Variants in NUP98 observed in about 807,000 individuals in gnomAD.
NUP98 encodes the protein nuclear pore complex protein Nup98-Nup96.
Under a neutral mutation model 191.9 loss-of-function variants are expected in NUP98, and 26 were observed. The ratio of observed to expected loss-of-function variants is 0.14; its 90% CI spans 0.10 to 0.19. NUP98 has a LOEUF of 0.19. NUP98 is among the 10% of genes least tolerant of loss of function. The pLI is 1.00. For missense variants in NUP98, 1,941 were observed against 2,178.8 expected, an observed-to-expected ratio of 0.89 and a Z score of 2.17; for synonymous variants, 808 against 778.4, an observed-to-expected ratio of 1.04 and a Z score of -0.63.
intron 12 of NUP98, 83 bp downstream of exon 12, chr11:3,744,426 T>A: frequency 7.3e-7 from 1 of 1,373,618 alleles, no homozygotes; most frequent in Non-Finnish European, 9.9e-7. Context: ...TTGGTAGGAA[T>A]GGGACAGGTG....
At chr11:3,767,007 T>A (rs995741349) in intron 8 of NUP98, among the ~76,000 whole-genome samples, 3 of 152,120 alleles carry the variant, frequency 2.0e-5, no homozygotes, top group Non-Finnish European at 4.4e-5. Context: ...CTCTGTCACC[T>A]AGGCTGGAGT....
At chr11:3,765,014 T>A (rs919347784) in intron 8 of NUP98, among the ~76,000 whole-genome samples, 1 of 152,240 alleles carries the variant, frequency 6.6e-6, no homozygotes, top group African/African-American at 2.4e-5. Context: ...TGGAGAAATG[T>A]CAATTCAAAT....
chr11:3,787,404 A>G (rs550348683), intron 1 of NUP98, among the ~76,000 whole-genome samples: 2 of 152,178 alleles, frequency 1.3e-5, no homozygotes, highest in African/African-American at 4.8e-5. Context: ...CAATAGGGTG[A>G]AACCCCCGTC....
At chr11:3,725,611 C>G (rs947388431) in intron 14 of NUP98, among the ~76,000 whole-genome samples, 2 of 152,176 alleles carry the variant, frequency 1.3e-5, no homozygotes, top group African/African-American at 4.8e-5. Context: ...GTATGGCTGT[C>G]TCACCATAGA....
Position 3,723,178 on chromosome 11 carries a change from A to T in NUP98, c.2125T>A (p.Ser709Thr). 6.2e-7 allele frequency: 1 copy of T among 1,614,130 alleles called. No individual in the cohort carries two copies. The highest frequency in any genetic ancestry group is 1.1e-5 in the South Asian group (1 of 91,078). The part of the protein sequence containing the change: ...QDDREEIENN[S>T]YHMHPAGIIL... ...TGACCTGCTGGGTGCATATGGTAAG[A>T]ATTATTTTCTATTTCTTCTCGGTCA... The change falls in exon 16 of 33, where the codon TCT becomes ACT. Residue 709 changes from serine to threonine, a missense_variant. Around this residue, in one of 6 missense-constraint regions of NUP98, gnomAD observed 453 missense variants for 438.2 expected, o/e 1.03. Transcript: ENST00000324932.
At chr11:3,784,335 C>G (rs557490997) in intron 1 of NUP98, among the ~76,000 whole-genome samples, 1 of 151,910 alleles carries the variant, frequency 6.6e-6, no homozygotes, top group African/African-American at 2.4e-5. Flanking sequence ...GAAAAAAAAT[C>G]AAATACTTAA....
intron 1 of NUP98, among the ~76,000 whole-genome samples, chr11:3,790,848 T>C (rs1035607715): frequency 6.6e-6 from 1 of 152,178 alleles, no homozygotes; most frequent in African/African-American, 2.4e-5. Context: ...CCACCTGTAA[T>C]TACTTTTGAA....
rs185013604 is a variant in NUP98 at position 3,784,755 on chromosome 11, C to T, written c.-28-2610G>A. 4.1e-3 allele frequency among the ~76,000 whole-genome samples: 619 copies of T among 150,654 alleles called. 2 individuals are homozygous for T. The highest frequency in any genetic ancestry group is 0.014 in the African/African-American group (580 of 41,034). ...CAAGCAAACAAACAAAAATACAAAC[C>T]CCCAGGCTCCATTCTAGAAATATTG... On this transcript the variant is annotated intron_variant, in intron 1 of 32. Transcript: ENST00000324932.
intron 12 of NUP98, among the ~76,000 whole-genome samples, chr11:3,739,270 G>C (rs1369051308): frequency 1.3e-5 from 2 of 151,430 alleles, no homozygotes; most frequent in African/African-American, 2.4e-5. Context: ...TTTTTTTTGA[G>C]ACAGAGTCTT....
chr11:3,743,824 T>C (rs866954432), intron 12 of NUP98, among the ~76,000 whole-genome samples: 19 of 149,708 alleles, frequency 1.3e-4, no homozygotes, highest in South Asian at 8.6e-4. Context: ...GAGGCCGAGG[T>C]GGGCGGATCA....
chr11:3,718,259 G>A (rs1044771060), intron 18 of NUP98, among the ~76,000 whole-genome samples: 12 of 152,192 alleles, frequency 7.9e-5, no homozygotes, highest in Admixed American at 3.3e-4. Context: ...TTATTGGCCC[G>A]GCACAGTGGC....
chr11:3,795,481 G>A (rs191159236), intron 1 of NUP98, among the ~76,000 whole-genome samples: 1 of 152,148 alleles, frequency 6.6e-6, no homozygotes, highest in East Asian at 1.9e-4. Flanking sequence ...AGGGACCAAA[G>A]TATCACATAA....
At chr11:3,740,117 C>A (rs972198491) in intron 12 of NUP98, among the ~76,000 whole-genome samples, 1 of 152,130 alleles carries the variant, frequency 6.6e-6, no homozygotes, top group African/African-American at 2.4e-5. Flanking sequence ...CTAGTATGAT[C>A]AAATGACGCG....
In NUP98 at chr11:3,702,896, A is replaced by C. The variant is rs2134119604; in HGVS notation, c.3083-4T>G. On this transcript the variant is annotated splice_region_variant and splice_polypyrimidine_tract_variant and intron_variant, in intron 22 of 32. Coordinates refer to ENST00000324932, the MANE Select transcript of NUP98 (RefSeq NM_016320.5). ...TTTGATTGTAGTAACCCACCAACTG[A>C]AATGAAGCGGGAATGAAGGGGAGAA... The C allele has an allele frequency of 6.3e-7, 1 of 1,597,782 alleles. No homozygotes were observed. The highest frequency in any genetic ancestry group is 2.2e-5 in the East Asian group (1 of 44,662).
chr11:3,687,833 G>A (rs968763556), intron 28 of NUP98, among the ~76,000 whole-genome samples: 29 of 152,164 alleles, frequency 1.9e-4, no homozygotes, highest in Admixed American at 6.5e-5. Flanking sequence ...AAGCCAAGGC[G>A]GGTGGATCAC....
chr11:3,791,765 C>T lies in NUP98; in HGVS notation c.-29+5635G>A, dbSNP rs560593971. On this transcript the variant is annotated intron_variant, in intron 1 of 32. Coordinates refer to ENST00000324932, the MANE Select transcript of NUP98 (RefSeq NM_016320.5). The stretch of plus-strand genomic sequence containing the variant: ...GGCTGAGGCAGGAGAATTGCTTGAA[C>T]CCAGGAGGCGAGGTTACAGTGAGCC... 2.0e-5 allele frequency among the ~76,000 whole-genome samples: 3 copies of T among 151,286 alleles called. No individual in the cohort carries two copies. In the South Asian group the frequency reaches 6.3e-4, roughly 32 times the overall value.
At chr11:3,752,498 C>T (rs572124408) in intron 11 of NUP98, among the ~76,000 whole-genome samples, 1 of 150,936 alleles carries the variant, frequency 6.6e-6, no homozygotes, top group Non-Finnish European at 1.5e-5. Flanking sequence ...GCCTGAACGA[C>T]AGAGTGAGAC....
intron 11 of NUP98, among the ~76,000 whole-genome samples, chr11:3,746,805 G>C (rs987146507): frequency 1.3e-5 from 2 of 151,436 alleles, no homozygotes; most frequent in Non-Finnish European, 2.9e-5. Context: ...CCAGCTACTC[G>C]GGAAGGCTGA....
chr11:3,720,292 T>C (rs900674173), intron 17 of NUP98, among the ~76,000 whole-genome samples: 2 of 152,140 alleles, frequency 1.3e-5, no homozygotes, highest in African/African-American at 4.8e-5. Flanking sequence ...CTCTTGCCTA[T>C]TATTCAATTT....
Sources: gnomAD v4.1 joint callset for allele counts (sites outside exome capture counted in the v4.1 genomes callset) on GRCh38, gnomAD v4.1.1 for gene constraint, gnomAD v4.1.1 regional missense constraint, MANE v1.5 for transcripts, NCBI Gene and HGNC (gene_info 2026-07-23, HGNC 2026-07-21) for gene names.